HAVCR2: variants seen among roughly 807,000 people sequenced by gnomAD.
HAVCR2 encodes the protein hepatitis A virus cellular receptor 2, also known as T cell immunoglobulin mucin 3.
In HAVCR2, 13 loss-of-function variants were observed where a neutral mutation model predicts 24.7. That is an observed-to-expected ratio of 0.53 (90% CI 0.34 to 0.84). The LOEUF is 0.84. HAVCR2 is among the 40% of genes least tolerant of loss of function. The pLI is 0.01. For synonymous variants in HAVCR2, 154 were observed against 143.4 expected, an observed-to-expected ratio of 1.07 and a Z score of -0.53; for missense variants, 343 against 371.2, an observed-to-expected ratio of 0.92 and a Z score of 0.62.
rs181855375 is a variant in HAVCR2 at position 157,106,747 on chromosome 5, C to T, written c.274G>A (p.Asp92Asn). 4.3e-6 allele frequency: 7 copies of T among 1,614,218 alleles called. No homozygotes were observed. The East Asian group carries it at 1.6e-4, about 36-fold the overall frequency. Residue 92 changes from aspartate to asparagine, a missense_variant, in exon 2 of 7, where the codon GAT (aspartate) becomes AAT (asparagine). Transcript: ENST00000307851. ...ACATTCTCTATGGTCAGGGACACAT[C>T]TCCTTTGCGGAAATCCCCATTTAGC... ...YWLNGDFRKG[D>N]VSLTIENVTL...
intron 2 of HAVCR2, 148 bp from the exon 3 acceptor site, chr5:157,104,897 G>A (rs1415072622): frequency 2.9e-5 from 16 of 550,026 alleles, no homozygotes; most frequent in Admixed American, 2.8e-4. Context: ...GGATACCTAC[G>A]TTGAGAGTGT....
At chr5:157,108,896 G>A (rs62381185) in intron 1 of HAVCR2, 30 bp downstream of exon 1, 1 of 1,607,218 alleles carries the variant, frequency 6.2e-7, no homozygotes, top group Non-Finnish European at 8.5e-7. Flanking sequence ...GCACCATTAT[G>A]TCATTGTAAA....
intron 3 of HAVCR2, among the ~76,000 whole-genome samples, chr5:157,102,144 G>A (rs998448094): frequency 3.1e-4 from 47 of 151,918 alleles, no homozygotes; most frequent in African/African-American, 1.1e-3. Context: ...CACCATCTTG[G>A]CCAGGCTGGC....
At chr5:157,102,017 G>A (rs1757175117) in intron 3 of HAVCR2, among the ~76,000 whole-genome samples, 1 of 147,324 alleles carries the variant, frequency 6.8e-6, no homozygotes, top group Admixed American at 6.9e-5. Context: ...TGAGATCTCG[G>A]TTCACTCCTC....
chr5:157,090,122 C>CTTTTTTTTTTTTTTTTTTTTT lies in HAVCR2; in HGVS notation c.677-1166_677-1146dup, dbSNP rs869177923. 9.1e-5 allele frequency among the ~76,000 whole-genome samples: 6 copies of CTTTTTTTTTTTTTTTTTTTTT among 65,576 alleles called. 1 individual carries two copies. The highest frequency in any genetic ancestry group is 2.6e-4 in the African/African-American group (4 of 15,552). The allele number at this position is 65,576 out of a possible 152,430, so 43.0% of individuals were successfully genotyped here. On this transcript the variant is annotated intron_variant, in intron 5 of 6. Transcript: ENST00000307851. Reference sequence around the variant, plus strand: ...TTAAAATTTTCCTTTCTTTTCTTTTCTTTTTTTTTTTTTTTTTTTTTTTTT... The same window carrying CTTTTTTTTTTTTTTTTTTTTT: ...TTAAAATTTTCCTTTCTTTTCTTTTCTTTTTTTTTTTTTTTTTTTTTTTTTTTTTTTTTTTTTTTTTTTTTT...
chr5:157,107,521 T>C (rs1287543263), intron 1 of HAVCR2, among the ~76,000 whole-genome samples: 1 of 152,134 alleles, frequency 6.6e-6, no homozygotes, highest in African/African-American at 2.4e-5. Context: ...AAACTACTCA[T>C]GGAGTTGTTT....
intron 5 of HAVCR2, 72 bp downstream of exon 5, chr5:157,095,234 T>G: frequency 6.5e-7 from 1 of 1,539,072 alleles, no homozygotes; most frequent in East Asian, 2.3e-5. Flanking sequence ...GAATTTGCAT[T>G]TCTATCTAGG....
At chr5:157,099,815 C>T (rs2113691305) in intron 3 of HAVCR2, among the ~76,000 whole-genome samples, 1 of 152,316 alleles carries the variant, frequency 6.6e-6, no homozygotes, top group African/African-American at 2.4e-5. Flanking sequence ...CCTGCCTCAG[C>T]CTCCCTGGTA....
At chr5:157,090,129 T>TC (rs1380597069) in intron 5 of HAVCR2, among the ~76,000 whole-genome samples, 3 of 133,276 alleles carry the variant, frequency 2.3e-5, no homozygotes, top group Admixed American at 7.6e-5. Context: ...TTTCTTTTTT[T>TC]TTTTTTTTTT....
chr5:157,093,084 TATATATATATGTGTATACATATATATAC>T lies in HAVCR2; in HGVS notation c.676+2194_676+2221del, dbSNP rs1417407915. Among the ~76,000 whole-genome samples, 43 of 138,868 alleles carry T rather than the reference TATATATATATGTGTATACATATATATAC, an allele frequency of 3.1e-4. 1 individual carries two copies. Among genetic ancestry groups the T allele is most frequent in the Non-Finnish European group, 7.4e-5 (5 of 67,162 alleles). The allele number at this position is 138,868 out of a possible 152,430, so 91.1% of individuals were successfully genotyped here. ...GACTCTGTCCCAATAATAATAAATA[TATATATATATGTGTATACATATATATAC>T]ATATATATATATTCATGTGATCAAT... is the stretch of plus-strand genomic sequence containing the variant. On this transcript the variant is annotated intron_variant, in intron 5 of 6. Coordinates refer to ENST00000307851, the MANE Select transcript of HAVCR2 (RefSeq NM_032782.5).
chr5:157,104,617 G>A (rs1473588776), intron 3 of HAVCR2, 49 bp downstream of exon 3: 1 of 1,326,104 alleles, frequency 7.5e-7, no homozygotes, highest in East Asian at 2.4e-5. Context: ...AAAATCCTCT[G>A]AATTCAGAGC....
Position 157,104,765 on chromosome 5 carries a change from A to G in HAVCR2, c.395-16T>C. 6.5e-7 allele frequency: 1 copy of G among 1,546,798 alleles called. No homozygotes were observed. The highest frequency in any genetic ancestry group is 8.8e-7 in the Non-Finnish European group (1 of 1,130,906). The stretch of plus-strand genomic sequence containing the variant: ...GTGACCTTGGCTAATGTCAGAAACA[A>G]CATAAGGATGAAAATTATCTGAGAG... On this transcript the variant is annotated splice_polypyrimidine_tract_variant and intron_variant, in intron 2 of 6. Coordinates refer to ENST00000307851, the MANE Select transcript of HAVCR2 (RefSeq NM_032782.5).
At chr5:157,088,169 C>T (rs574296893) in intron 6 of HAVCR2, among the ~76,000 whole-genome samples, 1 of 152,330 alleles carries the variant, frequency 6.6e-6, no homozygotes, top group East Asian at 1.9e-4. Context: ...CTCAGCCTCC[C>T]AAAGTGCTGG....
chr5:157,103,530 A>G (rs938239977), intron 3 of HAVCR2, among the ~76,000 whole-genome samples: 1 of 152,190 alleles, frequency 6.6e-6, no homozygotes, highest in Non-Finnish European at 1.5e-5. Context: ...TGTCCCCACC[A>G]TATTTAGTTT....
intron 5 of HAVCR2, 75 bp from the exon 6 acceptor site, chr5:157,089,052 T>C (rs1487516210): frequency 1.3e-5 from 17 of 1,311,278 alleles, no homozygotes; most frequent in Non-Finnish European, 1.8e-5. Flanking sequence ...ATAGGTTCAC[T>C]GGAAGCACGC....
chr5:157,100,400 A>G (rs1014200847), intron 3 of HAVCR2, among the ~76,000 whole-genome samples: 7 of 152,112 alleles, frequency 4.6e-5, no homozygotes, highest in Non-Finnish European at 7.4e-5. Flanking sequence ...CCACCCACTC[A>G]CCATCTTTCC....
intron 2 of HAVCR2, 160 bp from the exon 3 acceptor site, chr5:157,104,909 T>A (rs1239446989): frequency 6.0e-6 from 3 of 503,728 alleles, no homozygotes; most frequent in Non-Finnish European, 1.1e-5. Flanking sequence ...TGAGAGTGTA[T>A]CACACACTTC....
intron 4 of HAVCR2, among the ~76,000 whole-genome samples, chr5:157,095,948 G>A (rs918960250): frequency 7.2e-5 from 11 of 152,046 alleles, no homozygotes; most frequent in South Asian, 2.1e-4. Context: ...CTCTGAGGCC[G>A]GGCGCGGTGG....
intron 5 of HAVCR2, among the ~76,000 whole-genome samples, chr5:157,091,130 A>T (rs1327912332): frequency 6.6e-6 from 1 of 152,206 alleles, no homozygotes; most frequent in Non-Finnish European, 1.5e-5. Context: ...TGATCAATTT[A>T]AAAGGTTGAC....
Sources: allele counts gnomAD v4.1 joint callset (sites outside exome capture counted in the v4.1 genomes callset), GRCh38; gene constraint gnomAD v4.1.1; transcripts MANE v1.5; gene names NCBI Gene and HGNC (gene_info 2026-07-23, HGNC 2026-07-21).